Variants in RBFOX3 observed in about 807,000 individuals in gnomAD.
RBFOX3 encodes the protein RNA binding fox-1 homolog 3.
In RBFOX3, 17 loss-of-function variants were observed where a neutral mutation model predicts 48.7. The observed-to-expected ratio is 0.35, with a 90% CI of 0.24 to 0.52. The LOEUF is 0.52. Ranked by LOEUF, RBFOX3 falls within the 20% of genes least tolerant of loss-of-function variation. The probability of loss-of-function intolerance (pLI) is 0.94; values close to 1 mark genes in which losing one functional copy is unlikely to be tolerated. For synonymous variants in RBFOX3, 212 were observed against 209.5 expected (o/e 1.01, Z -0.10); for missense variants, 382 against 497.5 (o/e 0.77, Z 2.21).
Position 79,299,996 on chromosome 17 carries a change from C to T in RBFOX3, c.-74+7728G>A, listed in dbSNP as rs1470031021. 1.3e-5 allele frequency among the ~76,000 whole-genome samples: 2 copies of T among 152,172 alleles called. No individual in the cohort carries two copies. Among genetic ancestry groups the T allele is most frequent in the Middle Eastern group, 3.4e-3 (1 of 294 alleles). On this transcript the variant is annotated intron_variant, in intron 3 of 14. Transcript: ENST00000693108. The surrounding 1 kb of genome is among the most constrained non-coding windows in gnomAD (Gnocchi z 4.5). ...CTCGGCTCACTGCAACCTCTGCCTC[C>T]CGGGTTCCAGTAATTCTCCCAACTC...
intron 2 of RBFOX3, among the ~76,000 whole-genome samples, chr17:79,467,654 G>T (rs1175806878): frequency 6.6e-6 from 1 of 152,266 alleles, no homozygotes; most frequent in East Asian, 1.9e-4. Context: ...GTTCCGTGGG[G>T]CTTAGGGCCT....
rs1312179401 is a variant in RBFOX3, at chr17:79,195,603, T to C, written c.-34+40163A>G. Among the ~76,000 whole-genome samples the C allele has an allele frequency of 1.3e-5, 2 of 152,196 alleles. No individual in the cohort carries two copies. The highest frequency in any genetic ancestry group is 2.4e-5 in the African/African-American group (1 of 41,458). ...TCTGCTCTATCCTGATATCTGAGAC[T>C]GGGGCCTCCTTATTTTGTCCTACCA... is the stretch of plus-strand genomic sequence containing the variant. On this transcript the variant is annotated intron_variant, in intron 4 of 14. Coordinates refer to ENST00000693108, the MANE Select transcript of RBFOX3 (RefSeq NM_001350451.2). This position sits in a 1 kb window ranked among gnomAD's most constrained non-coding sequence, Gnocchi z 5.3.
intron 4 of RBFOX3, among the ~76,000 whole-genome samples, chr17:79,183,917 C>A (rs912772366): frequency 1.3e-5 from 2 of 151,866 alleles, no homozygotes; most frequent in Admixed American, 1.3e-4. Flanking sequence ...TCCTCCCCCC[C>A]GTTGCCAGCA....
chr17:79,260,318 C>T lies in RBFOX3; in HGVS notation c.-73-24513G>A, dbSNP rs561374907. ...CACAAAGCAGCCCCATGTGCCGGCA[C>T]CTGCTCCCTGCCACAGTGGATCCAG... On this transcript the variant is annotated intron_variant, in intron 3 of 14. Transcript: ENST00000693108. Among the ~76,000 whole-genome samples the T allele has an allele frequency of 4.2e-4, 64 of 152,306 alleles. 1 individual carries two copies. The highest frequency in any genetic ancestry group is 1.5e-3 in the African/African-American group (64 of 41,574).
Position 79,390,724 on chromosome 17 carries a change from G to C in RBFOX3, c.-174-82900C>G, listed in dbSNP as rs906573419. Among the ~76,000 whole-genome samples, 1 of 152,204 alleles carries C rather than the reference G, an allele frequency of 6.6e-6. No individual in the cohort carries two copies. The highest frequency in any genetic ancestry group is 2.4e-5 in the African/African-American group (1 of 41,446). ...ACTCCTTATCTCAGACAATCTGCCCGTCTCGGCCTCCCAACGCATGGCCCA... is the reference window on the plus strand; with the variant it reads ...ACTCCTTATCTCAGACAATCTGCCCCTCTCGGCCTCCCAACGCATGGCCCA... On this transcript the variant is annotated intron_variant, in intron 2 of 14. Transcript: ENST00000693108. The surrounding 1 kb of genome is among the most constrained non-coding windows in gnomAD (Gnocchi z 4.2).
intron 3 of RBFOX3, among the ~76,000 whole-genome samples, chr17:79,288,976 G>C (rs1463279887): frequency 6.6e-6 from 1 of 152,182 alleles, no homozygotes; most frequent in South Asian, 2.1e-4. Context: ...AGGGAATGAG[G>C]GGGTGAGCCC....
In RBFOX3 at chr17:79,391,953, G is replaced by C. The variant is rs1477352000; in HGVS notation, c.-174-84129C>G. Among the ~76,000 whole-genome samples the C allele has an allele frequency of 1.3e-5, 2 of 152,174 alleles. No homozygotes were observed. Among genetic ancestry groups the C allele is most frequent in the East Asian group, 1.9e-4 (1 of 5,188 alleles). ...TCGCGGGTTTGCTGAGAAGGCACGT[G>C]CTCCCCCTGGTGGAAGGAAACTTGT... is the stretch of plus-strand genomic sequence containing the variant. On this transcript the variant is annotated intron_variant, in intron 2 of 14. Coordinates refer to ENST00000693108, the MANE Select transcript of RBFOX3 (RefSeq NM_001350451.2). This position sits in a 1 kb window ranked among gnomAD's most constrained non-coding sequence, Gnocchi z 5.0.
intron 4 of RBFOX3, among the ~76,000 whole-genome samples, chr17:79,143,374 G>T (rs543742224): frequency 8.3e-6 from 1 of 121,176 alleles, no homozygotes; most frequent in East Asian, 2.1e-4. Context: ...TTGGTGGAGC[G>T]GGGGGTGGGG....
intron 1 of RBFOX3, among the ~76,000 whole-genome samples, chr17:79,498,916 CCATCCATCCACT>C (rs2082005934): frequency 6.8e-6 from 1 of 146,156 alleles, no homozygotes; most frequent in Admixed American, 6.8e-5. Context: ...ATATGGCTAC[CCATCCATCCACT>C]CATCCATCCA....
chr17:79,293,407 C>T (rs1230925971), intron 3 of RBFOX3, among the ~76,000 whole-genome samples: 1 of 106,154 alleles, frequency 9.4e-6, no homozygotes, highest in African/African-American at 3.8e-5. Flanking sequence ...CCCTCCCCTC[C>T]ACCCCTTCCT....
intron 2 of RBFOX3, among the ~76,000 whole-genome samples, chr17:79,407,674 C>A (rs1052525947): frequency 6.6e-6 from 1 of 152,000 alleles, no homozygotes; most frequent in Admixed American, 6.6e-5. Flanking sequence ...GGGGACAAGG[C>A]GTGGGGAGGA....
At chr17:79,093,970 A>G (rs559306833) in intron 14 of RBFOX3, among the ~76,000 whole-genome samples, 338 of 152,100 alleles carry the variant, frequency 2.2e-3, no homozygotes, top group African/African-American at 7.6e-3. Context: ...GTGAGAAGCA[A>G]CCGGTAACCC....
the RBFOX3 span, among the ~76,000 whole-genome samples, chr17:79,617,019 G>A: frequency 6.6e-6 from 1 of 152,086 alleles, no homozygotes; most frequent in African/African-American, 2.4e-5. Flanking sequence ...AGCTGTGTCC[G>A]CCGGCTGGCT....
At position 79,549,851 on chromosome 17, in the gene RBFOX3, T is replaced by C. The variant is rs924526127; in HGVS notation, c.-320+60975A>G. ...TTCAATCAAGAATGTCGAATCGTCA[T>C]AAAAAGTGAGAAAACTCCAGGCTTT... is the stretch of plus-strand genomic sequence containing the variant. On this transcript the variant is annotated intron_variant, in intron 1 of 14. Coordinates refer to ENST00000693108, the MANE Select transcript of RBFOX3 (RefSeq NM_001350451.2). Among the ~76,000 whole-genome samples, 6 of 152,250 alleles carry C rather than the reference T, an allele frequency of 3.9e-5. 2 individuals carry two copies. The highest frequency in any genetic ancestry group is 3.9e-4 in the Admixed American group (6 of 15,300).
intron 1 of RBFOX3, among the ~76,000 whole-genome samples, chr17:79,536,311 A>G (rs1192254134): frequency 1.3e-5 from 2 of 152,200 alleles, no homozygotes; most frequent in Non-Finnish European, 2.9e-5. Flanking sequence ...ACCTCAAATG[A>G]TCCACCTGCC....
In RBFOX3 at chr17:79,115,517, T is replaced by G; in HGVS notation, c.199A>C (p.Ile67Leu). Residue 67 changes from isoleucine to leucine, a missense_variant, in exon 5 of 15, where the codon ATC becomes CTC. This residue lies in a region of RBFOX3 where 118 missense variants were observed against 132.1 expected (regional missense o/e 0.89). Transcript: ENST00000693108. ...ACCGGCACTGTCTGGGTCCCGGCGA[T>G]GGGCTGTGTGCTGGCCTCGGAGCCT... ...QPGSEASTQPIAGTQTVPQTD... is the reference protein window; with the variant it reads ...QPGSEASTQPLAGTQTVPQTD... 7.5e-7 allele frequency: 1 copy of G among 1,336,000 alleles called. No homozygotes were observed. 82.8% of individuals were successfully genotyped at this position (1,336,000 alleles called of 1,614,324 possible).
intron 2 of RBFOX3, among the ~76,000 whole-genome samples, chr17:79,422,852 G>A (rs1555723391): frequency 6.6e-6 from 1 of 152,184 alleles, no homozygotes; most frequent in Non-Finnish European, 1.5e-5. Context: ...CTCATCGGAT[G>A]GGATTGATGC....
intron 5 of RBFOX3, among the ~76,000 whole-genome samples, chr17:79,110,530 T>TG (rs1276862244): frequency 6.6e-6 from 1 of 152,236 alleles, no homozygotes; most frequent in African/African-American, 2.4e-5. Flanking sequence ...AACCGGTTTT[T>TG]GGAAATCCCT....
rs558271461 is a variant in RBFOX3, at chr17:79,548,308, TC to T, written c.-320+62517del. On this transcript the variant is annotated intron_variant, in intron 1 of 14. Coordinates refer to ENST00000693108, the MANE Select transcript of RBFOX3 (RefSeq NM_001350451.2). Reference sequence around the variant, plus strand: ...GGGTCTCGGGCCTGAGGCTGCCCTCTCTGGACACACCCCCACCTCACCCATG... The same window carrying T: ...GGGTCTCGGGCCTGAGGCTGCCCTCTTGGACACACCCCCACCTCACCCATG... 5.0e-4 allele frequency among the ~76,000 whole-genome samples: 76 copies of T among 152,176 alleles called. 2 individuals are homozygous for T. The South Asian group carries it at 0.016, about 32-fold the overall frequency.
Sources: gnomAD v4.1 joint callset for allele counts (sites outside exome capture counted in the v4.1 genomes callset) on GRCh38, gnomAD v4.1.1 for gene constraint, gnomAD v4.1.1 regional missense constraint, Gnocchi (gnomAD v3.1) non-coding constraint, MANE v1.5 for transcripts, NCBI Gene and HGNC (gene_info 2026-07-23, HGNC 2026-07-21) for gene names.